Variants in CA12 observed in about 807,000 individuals in gnomAD.
CA12 encodes carbonic anhydrase 12, also known as carbonate dehydratase XII.
Under a neutral mutation model 46.8 loss-of-function variants are expected in CA12, and 36 were observed. The ratio of observed to expected loss-of-function variants is 0.77; its 90% confidence interval spans 0.59 to 1.02. The LOEUF (loss-of-function observed/expected upper bound fraction) is 1.02. Among genes scored for constraint, CA12 ranks in the 50% least tolerant of loss-of-function variants. The probability of loss-of-function intolerance (pLI) is 0.00; values close to 1 mark genes in which losing one functional copy is unlikely to be tolerated. For synonymous variants in CA12, 202 were observed against 187.0 expected, an observed-to-expected ratio of 1.08 and a Z score of -0.65; for missense variants, 436 against 451.4, an observed-to-expected ratio of 0.97 and a Z score of 0.31.
intron 2 of CA12, among the ~76,000 whole-genome samples, chr15:63,357,715 T>C (rs1188091536): frequency 5.9e-5 from 9 of 152,256 alleles, no homozygotes; most frequent in Non-Finnish European, 1.5e-5. Context: ...AAAACTACCA[T>C]TAGTAAAATT....
In CA12 at chr15:63,340,900, TC is replaced by T; in HGVS notation, c.526-118del. The T allele has an allele frequency of 1.2e-6, 1 of 807,968 alleles. No individual in the cohort carries two copies. The highest frequency in any genetic ancestry group is 2.2e-6 in the Non-Finnish European group (1 of 463,868). The allele number at this position is 807,968 out of a possible 1,614,324, so 50.0% of individuals were successfully genotyped here. On this transcript the variant is annotated intron_variant, in intron 5 of 10. Transcript: ENST00000178638. This position sits in a 1 kb window ranked among gnomAD's most constrained non-coding sequence, Gnocchi z 4.4. ...TATGTTGCCACCACTGCCTGAAGGA[TC>T]CACTTTACTGGACAATTATGATGGA...
intron 8 of CA12, among the ~76,000 whole-genome samples, chr15:63,333,032 T>C: frequency 6.6e-6 from 1 of 152,250 alleles, no homozygotes; most frequent in East Asian, 1.9e-4. Flanking sequence ...GAGACGTGGT[T>C]CTGGCTGCAC....
In CA12 at chr15:63,327,270, C is replaced by T; in HGVS notation, c.908-37G>A. 1 of 1,552,470 alleles carries T rather than the reference C, an allele frequency of 6.4e-7. No individual in the cohort carries two copies. Among genetic ancestry groups the T allele is most frequent in the Non-Finnish European group, 8.9e-7 (1 of 1,128,022 alleles). ...GTAGAGGGCACACATTACATTCCTT[C>T]CTTCCCCTCCATCTTAGCCCATGGC... On this transcript the variant is annotated intron_variant, in intron 9 of 10. Coordinates refer to ENST00000178638, the MANE Select transcript of CA12 (RefSeq NM_001218.5). The surrounding 1 kb of genome is among the most constrained non-coding windows in gnomAD (Gnocchi z 4.5).
At chr15:63,336,511 G>A (rs1055721535) in intron 8 of CA12, among the ~76,000 whole-genome samples, 6 of 147,416 alleles carry the variant, frequency 4.1e-5, no homozygotes, top group African/African-American at 1.3e-4. Context: ...TATTAGCACC[G>A]AAAGGACATG....
chr15:63,340,748 G>A lies in CA12; in HGVS notation c.561C>T (p.Phe187=), dbSNP rs1358235583. 1 of 1,614,072 alleles carries A rather than the reference G, an allele frequency of 6.2e-7. No homozygotes were observed. The highest frequency in any genetic ancestry group is 8.5e-7 in the Non-Finnish European group (1 of 1,180,020). The change falls in exon 6 of 11, where the codon TTC becomes TTT. Residue 187 remains phenylalanine, a synonymous_variant. Coordinates refer to ENST00000178638, the MANE Select transcript of CA12 (RefSeq NM_001218.5). This position sits in a 1 kb window ranked among gnomAD's most constrained non-coding sequence, Gnocchi z 4.4. The part of the protein sequence containing the change: ...GSFNPSYDKI[F]SHLQHVKYKG... ...TGTACTTTACATGTTGAAGGTGACTGAAGATCTTGTCATAGGACGGATTGA... is the reference window on the plus strand; with the variant it reads ...TGTACTTTACATGTTGAAGGTGACTAAAGATCTTGTCATAGGACGGATTGA...
chr15:63,365,109 G>C (rs1335604245), intron 2 of CA12, among the ~76,000 whole-genome samples: 4 of 152,182 alleles, frequency 2.6e-5, no homozygotes, highest in Admixed American at 2.6e-4. Context: ...CACCTCATCC[G>C]GACACACTGG....
chr15:63,324,056 G>A lies in CA12; in HGVS notation c.*2229C>T, dbSNP rs2038832857. The stretch of plus-strand genomic sequence containing the variant: ...GGGGCAGCTGGCATCAGTGGAATGA[G>A]TGCGGATCCGAAGAAAGGTTTCCCA... On this transcript the variant is annotated 3_prime_UTR_variant, in exon 11 of 11. Coordinates refer to ENST00000178638, the MANE Select transcript of CA12 (RefSeq NM_001218.5). 1 of 152,306 alleles carries A rather than the reference G, an allele frequency of 6.6e-6. No homozygotes were observed. Among genetic ancestry groups the A allele is most frequent in the Non-Finnish European group, 1.5e-5 (1 of 68,116 alleles). The allele number at this position is 152,306 out of a possible 1,614,324, so 9.4% of individuals were successfully genotyped here. A position where few individuals can be genotyped will look rare whatever the true frequency, so the allele number is the denominator to read the frequency against.
chr15:63,351,886 G>A (rs1019174065), intron 2 of CA12, among the ~76,000 whole-genome samples: 15 of 152,152 alleles, frequency 9.9e-5, no homozygotes, highest in African/African-American at 3.6e-4. Context: ...AAGACCTTTG[G>A]AAGACCAGAA....
In CA12 at chr15:63,339,904, C is replaced by A. The variant is rs563752681; in HGVS notation, c.747+384G>T. The A allele has an allele frequency of 3.4e-5, 11 of 326,326 alleles. No homozygotes were observed. Among genetic ancestry groups the A allele is most frequent in the South Asian group, 2.6e-4 (10 of 38,822 alleles). 20.2% of individuals were successfully genotyped at this position (326,326 alleles called of 1,614,324 possible). A position where few individuals can be genotyped will look rare whatever the true frequency, so the allele number is the denominator to read the frequency against. ...ACCTTGAGCTTCTTGGGGGCAGGGA[C>A]CCTCACTTAGTCATTGCTGCAATCC... On this transcript the variant is annotated intron_variant, in intron 7 of 10. Transcript: ENST00000178638. The surrounding 1 kb of genome is among the most constrained non-coding windows in gnomAD (Gnocchi z 4.3).
At position 63,371,287 on chromosome 15, in the gene CA12, T is replaced by C. The variant is rs2039502933; in HGVS notation, c.106+4371A>G. 2.0e-5 allele frequency among the ~76,000 whole-genome samples: 3 copies of C among 152,252 alleles called. No homozygotes were observed. In the South Asian group the frequency reaches 6.2e-4, roughly 32 times the overall value. On this transcript the variant is annotated intron_variant, in intron 2 of 10. Transcript: ENST00000178638. The stretch of plus-strand genomic sequence containing the variant: ...CCCCAGTGGAGGATCTCCCCCTGAT[T>C]TCCAAAGGAAATTCTTTAAGACGGA...
At position 63,374,704 on chromosome 15, in the gene CA12, T is replaced by C. The variant is rs1036740919; in HGVS notation, c.106+954A>G. On this transcript the variant is annotated intron_variant, in intron 2 of 10. Coordinates refer to ENST00000178638, the MANE Select transcript of CA12 (RefSeq NM_001218.5). The surrounding 1 kb of genome is among the most constrained non-coding windows in gnomAD (Gnocchi z 4.4). ...ACCTCCAAAGGCTGACCTATGCAAA[T>C]TGGTGTCAGATCTTTCTCTGGACGG... Among the ~76,000 whole-genome samples the C allele has an allele frequency of 2.6e-5, 4 of 152,194 alleles. No homozygotes were observed. The highest frequency in any genetic ancestry group is 7.2e-5 in the African/African-American group (3 of 41,444).
Position 63,341,911 on chromosome 15 carries a change from A to G in CA12, c.525+91T>C. ...CACGGAGTCGATACAGGAACAGCTGATTATCAACAGGTATGCATGGAACAA... is the reference window on the plus strand; with the variant it reads ...CACGGAGTCGATACAGGAACAGCTGGTTATCAACAGGTATGCATGGAACAA... On this transcript the variant is annotated intron_variant, in intron 5 of 10. Coordinates refer to ENST00000178638, the MANE Select transcript of CA12 (RefSeq NM_001218.5). This position sits in a 1 kb window ranked among gnomAD's most constrained non-coding sequence, Gnocchi z 5.2. 1 of 876,222 alleles carries G rather than the reference A, an allele frequency of 1.1e-6. No homozygotes were observed. The highest frequency in any genetic ancestry group is 1.4e-5 in the South Asian group (1 of 71,622). 54.3% of individuals were successfully genotyped at this position (876,222 alleles called of 1,614,324 possible).
chr15:63,348,929 C>T lies in CA12; in HGVS notation c.107-2220G>A, dbSNP rs561064556. 1.3e-5 allele frequency among the ~76,000 whole-genome samples: 2 copies of T among 152,138 alleles called. No individual in the cohort carries two copies. Among genetic ancestry groups the T allele is most frequent in the African/African-American group, 2.4e-5 (1 of 41,420 alleles). On this transcript the variant is annotated intron_variant, in intron 2 of 10. Coordinates refer to ENST00000178638, the MANE Select transcript of CA12 (RefSeq NM_001218.5). This position sits in a 1 kb window ranked among gnomAD's most constrained non-coding sequence, Gnocchi z 4.6. The stretch of plus-strand genomic sequence containing the variant: ...TTTCCTTTTTCTCTTGCTCTAAATA[C>T]GCTTTATTGGAAGTTAGGACCAAAT...
rs200152002 is a variant in CA12, at chr15:63,346,506, A to G, written c.286+24T>C. 73 of 1,604,986 alleles carry G rather than the reference A, an allele frequency of 4.5e-5. No homozygotes were observed. In the East Asian group the frequency reaches 1.4e-3, roughly 32 times the overall value. On this transcript the variant is annotated intron_variant, in intron 3 of 10. Transcript: ENST00000178638. ...TGAGGGAGACTCAGACATACCCCTC[A>G]GGTCTCCAAGGCCTCTCCCTCACCT...
chr15:63,358,477 G>A (rs540429050), intron 2 of CA12, among the ~76,000 whole-genome samples: 3 of 152,290 alleles, frequency 2.0e-5, no homozygotes, highest in African/African-American at 7.2e-5. Flanking sequence ...TTTCCTGGCA[G>A]AGAGAGACTT....
chr15:63,354,458 G>C (rs192407558), intron 2 of CA12, among the ~76,000 whole-genome samples: 24 of 152,256 alleles, frequency 1.6e-4, no homozygotes, highest in Admixed American at 1.0e-3. Context: ...TGAGACTTGG[G>C]CTTGGTAAAT....
rs75109187 is a variant in CA12 at position 63,345,291 on chromosome 15, G to C, written c.429+186C>G. Among the ~76,000 whole-genome samples, 4,878 of 152,342 alleles carry C rather than the reference G, an allele frequency of 0.032. 194 individuals are homozygous for C. Among genetic ancestry groups the C allele is most frequent in the East Asian group, 0.16 (851 of 5,182 alleles). On this transcript the variant is annotated intron_variant, in intron 4 of 10. Coordinates refer to ENST00000178638, the MANE Select transcript of CA12 (RefSeq NM_001218.5). This position sits in a 1 kb window ranked among gnomAD's most constrained non-coding sequence, Gnocchi z 4.3. ...CATGTTCAGGAGAAGAAAGGGACCA[G>C]GACAGTGCAGATGAGCTACAGGCTA...
In CA12 at chr15:63,345,463, G is replaced by T; in HGVS notation, c.429+14C>A. ...CTGCAGAGCAGCCTCTGCCAGACTG[G>T]CAGCCCTACTTACCTCGGCGGCGAA... On this transcript the variant is annotated intron_variant, in intron 4 of 10. Coordinates refer to ENST00000178638, the MANE Select transcript of CA12 (RefSeq NM_001218.5). The surrounding 1 kb of genome is among the most constrained non-coding windows in gnomAD (Gnocchi z 4.3). 1 of 1,604,180 alleles carries T rather than the reference G, an allele frequency of 6.2e-7. No homozygotes were observed. Among genetic ancestry groups the T allele is most frequent in the Non-Finnish European group, 8.5e-7 (1 of 1,179,894 alleles).
intron 1 of CA12, among the ~76,000 whole-genome samples, chr15:63,381,011 CTGTGTGTGTGTGTG>C (rs66492957): frequency 6.7e-6 from 1 of 148,236 alleles, no homozygotes; most frequent in Non-Finnish European, 1.5e-5. Flanking sequence ...CAGAAATATG[CTGTGTGTGTGTGTG>C]TGTGTGTGTG....
Sources: allele counts gnomAD v4.1 joint callset (sites outside exome capture counted in the v4.1 genomes callset), GRCh38; gene constraint gnomAD v4.1.1; non-coding constraint Gnocchi (gnomAD v3.1); transcripts MANE v1.5; gene names NCBI Gene and HGNC (gene_info 2026-07-23, HGNC 2026-07-21).